The following PIGG variants were observed in gnomAD, a reference collection of about 807,000 sequenced individuals.
The protein encoded by PIGG is GPI ethanolamine phosphate transferase 2, catalytic subunit.
A neutral mutation model predicts 83.2 loss-of-function variants in PIGG; 70 were observed. The observed-to-expected ratio is 0.84, with a 90% CI of 0.69 to 1.03. PIGG has a LOEUF of 1.03. Among genes scored for constraint, PIGG ranks in the 50% least tolerant of loss-of-function variants. PIGG has a pLI of 0.00. For missense variants in PIGG, 1,257 were observed against 1,233.6 expected (o/e 1.02, Z -0.28); for synonymous variants, 532 against 519.5 (o/e 1.02, Z -0.33).
At chr4:517,688 C>T (rs557400397) in intron 6 of PIGG, among the ~76,000 whole-genome samples, 7 of 152,036 alleles carry the variant, frequency 4.6e-5, no homozygotes, top group Non-Finnish European at 7.4e-5. Context: ...ACTAGGCAGG[C>T]GAGAGCCCTA....
At chr4:509,394 G>A (rs1721071036) in intron 5 of PIGG, among the ~76,000 whole-genome samples, 1 of 152,194 alleles carries the variant, frequency 6.6e-6, no homozygotes, top group Non-Finnish European at 1.5e-5. Context: ...GGCCCCGTCT[G>A]TCAGTATTCA....
chr4:530,300 G>C, intron 10 of PIGG, 136 bp from the exon 11 acceptor site: 1 of 645,952 alleles, frequency 1.5e-6, no homozygotes. Flanking sequence ...GGTAGGGAGG[G>C]TGCCGCGGCT....
In PIGG at chr4:539,171, T is replaced by C; in HGVS notation, c.2754T>C (p.His918=). The change falls in exon 13 of 13, where the codon CAT becomes CAC. Residue 918 remains histidine (H), a synonymous_variant. Transcript: ENST00000453061. ...SETRSGSALS[H]ACFCYALICS... is the part of the protein sequence containing the mutation. ...TTAACAGTGGTTCAGCACTGAGTCA[T>C]GCTTGCTTCTGCTACGCACTGATTT... 1.2e-6 allele frequency: 2 copies of C among 1,611,836 alleles called. No individual in the cohort carries two copies. Among genetic ancestry groups the C allele is most frequent in the Non-Finnish European group, 8.5e-7 (1 of 1,178,332 alleles).
At chr4:527,637 T>G in intron 10 of PIGG, 1 of 991,988 alleles carries the variant, frequency 1.0e-6, no homozygotes, top group East Asian at 1.1e-4. Flanking sequence ...GGATGATGAG[T>G]GGATGTTTCC....
chr4:534,561 G>A (rs977823777), intron 12 of PIGG, among the ~76,000 whole-genome samples: 8 of 152,222 alleles, frequency 5.3e-5, no homozygotes, highest in Admixed American at 2.6e-4. Context: ...CGTGAGCCCC[G>A]TCCCCTGTCG....
chr4:500,511 G>T lies in PIGG; in HGVS notation c.270G>T (p.Met90Ile), dbSNP rs1553875130. 6.2e-7 allele frequency: 1 copy of T among 1,612,938 alleles called. No individual in the cohort carries two copies. Among genetic ancestry groups the T allele is most frequent in the Admixed American group, 1.7e-5 (1 of 60,012 alleles). The change falls in exon 2 of 13, where the codon ATG becomes ATT. Residue 90 changes from methionine to isoleucine, a missense_variant. Transcript: ENST00000453061. ...TTGGGTCAAAGGGTGTGAAATTTAT[G>T]CCCTACACAACTTACCTTGTGGAAA... The part of the protein sequence containing the change: ...FVFGSKGVKF[M>I]PYTTYLVEKG...
At chr4:501,291 A>G (rs1214209293) in intron 2 of PIGG, 2 of 372,420 alleles carry the variant, frequency 5.4e-6, no homozygotes, top group Non-Finnish European at 1.1e-5. Context: ...GTCTTTAGAT[A>G]TACAGCCACT....
At chr4:521,417 C>A in intron 7 of PIGG, 144 bp downstream of exon 7, 1 of 700,962 alleles carries the variant, frequency 1.4e-6, no homozygotes, top group Non-Finnish European at 2.4e-6. Context: ...GTGGTGTGTC[C>A]TGATTTGTGA....
At position 507,345 on chromosome 4, in the gene PIGG, G is replaced by A. The variant is rs73072127; in HGVS notation, c.571-60G>A. On this transcript the variant is annotated intron_variant, in intron 3 of 12. Transcript: ENST00000453061. Reference sequence around the variant, plus strand: ...TTAAGATGACTGTTGCGTTTTCCCCGGGGAGTGAAGATCCAGGGAAATTAG... The same window carrying A: ...TTAAGATGACTGTTGCGTTTTCCCCAGGGAGTGAAGATCCAGGGAAATTAG... 348 of 1,345,278 alleles carry A rather than the reference G, an allele frequency of 2.6e-4. 1 individual carries two copies. The African/African-American group carries it at 4.1e-3, about 16-fold the overall frequency. The allele number at this position is 1,345,278 out of a possible 1,614,324, so 83.3% of individuals were successfully genotyped here. A position where few individuals can be genotyped will look rare whatever the true frequency, so the allele number is the denominator to read the frequency against.
chr4:522,023 C>G (rs1164871739), intron 8 of PIGG, 82 bp downstream of exon 8: 2 of 1,480,684 alleles, frequency 1.4e-6, no homozygotes, highest in Admixed American at 1.7e-5. Context: ...CTTTCGTTTA[C>G]CAGACTCTGG....
chr4:535,381 A>T (rs955564974), intron 12 of PIGG, among the ~76,000 whole-genome samples: 5 of 103,754 alleles, frequency 4.8e-5, no homozygotes, highest in African/African-American at 2.6e-4. Flanking sequence ...ACAGTCACGA[A>T]TCCCCGCAGC....
At position 523,909 on chromosome 4, in the gene PIGG, A is replaced by G; in HGVS notation, c.2065A>G (p.Thr689Ala). 1 of 1,520,488 alleles carries G rather than the reference A, an allele frequency of 6.6e-7. No homozygotes were observed. The highest frequency in any genetic ancestry group is 8.9e-7 in the Non-Finnish European group (1 of 1,125,584). 94.2% of individuals were successfully genotyped at this position (1,520,488 alleles called of 1,614,324 possible). Residue 689 changes from threonine to alanine, a missense_variant, in exon 9 of 13, where the codon ACC becomes GCC. By Grantham distance (58) the Thr-to-Ala change is moderately conservative (BLOSUM62 0). Coordinates refer to ENST00000453061, the MANE Select transcript of PIGG (RefSeq NM_001127178.3). Reference sequence around the variant, plus strand: ...CCGGCCTGACCTCGGCCACTGGCTCACCAGGTGAGAGCGTAGGCCCGTGGC... The same window carrying G: ...CCGGCCTGACCTCGGCCACTGGCTCGCCAGGTGAGAGCGTAGGCCCGTGGC... Reference protein sequence around the residue: ...AHRPDLGHWLTSSDHKAELSV... With the variant: ...AHRPDLGHWLASSDHKAELSV...
intron 6 of PIGG, among the ~76,000 whole-genome samples, chr4:520,643 C>G (rs1017017062): frequency 3.3e-5 from 5 of 152,204 alleles, no homozygotes; most frequent in African/African-American, 1.2e-4. Flanking sequence ...TAGAAAGACT[C>G]TAAAACCTGA....
chr4:527,340 G>A (rs1363016582), intron 10 of PIGG, 110 bp downstream of exon 10: 5 of 1,430,324 alleles, frequency 3.5e-6, no homozygotes, highest in African/African-American at 2.9e-5. Flanking sequence ...AGAAGACCAA[G>A]CCAGTCTTCA....
Position 507,509 on chromosome 4 carries a change from A to G in PIGG, c.675A>G (p.Ser225=). The G allele has an allele frequency of 1.9e-6, 3 of 1,614,194 alleles. No homozygotes were observed. Among genetic ancestry groups the G allele is most frequent in the Non-Finnish European group, 2.5e-6 (3 of 1,179,984 alleles). ...YLGLDHIGHI[S]GPNSPLIGQK... ...GGCTGGACCACATTGGCCACATTTC[A>G]GGGCCCAACAGCCCCCTGATTGGGC... The change falls in exon 4 of 13, where the codon TCA becomes TCG. Residue 225 remains serine, a synonymous_variant. Transcript: ENST00000453061.
chr4:517,518 G>A (rs1724336144), intron 6 of PIGG, among the ~76,000 whole-genome samples: 1 of 152,156 alleles, frequency 6.6e-6, no homozygotes, highest in Non-Finnish European at 1.5e-5. Context: ...TGGTGTCCAG[G>A]AAGCCATGTA....
In PIGG at chr4:515,339, G is replaced by A. The variant is rs1723479837; in HGVS notation, c.902-634G>A. On this transcript the variant is annotated intron_variant, in intron 5 of 12. Transcript: ENST00000453061. This position sits in a 1 kb window ranked among gnomAD's most constrained non-coding sequence, Gnocchi z 4.2. ...CTAGGCCCATGGTGCTGACATCACA[G>A]CCATTCTTGCAAGGAGATGGTAGGA... Among the ~76,000 whole-genome samples the A allele has an allele frequency of 6.6e-6, 1 of 152,264 alleles. No individual in the cohort carries two copies. Among genetic ancestry groups the A allele is most frequent in the African/African-American group, 2.4e-5 (1 of 41,474 alleles).
chr4:504,446 T>G (rs188441439), intron 2 of PIGG, among the ~76,000 whole-genome samples: 64 of 152,310 alleles, frequency 4.2e-4, no homozygotes, highest in African/African-American at 1.5e-3. Context: ...AGATTCCGTG[T>G]TTTTTCTTAA....
chr4:508,691 C>T (rs1577031146), intron 4 of PIGG, 138 bp from the exon 5 acceptor site: 1 of 719,366 alleles, frequency 1.4e-6, no homozygotes, highest in East Asian at 2.5e-5. Flanking sequence ...GCTATGAGCT[C>T]ATAGGAAAAA....
Sources: allele counts gnomAD v4.1 joint callset (sites outside exome capture counted in the v4.1 genomes callset), GRCh38; gene constraint gnomAD v4.1.1; non-coding constraint Gnocchi (gnomAD v3.1); transcripts MANE v1.5; gene names NCBI Gene and HGNC (gene_info 2026-07-23, HGNC 2026-07-21).